The following RNF4 variants were observed in gnomAD, a reference collection of about 807,000 sequenced individuals.
RNF4 encodes ring finger protein 4, also known as E3 ubiquitin-protein ligase RNF4.
In RNF4, 7 loss-of-function variants were observed where a neutral mutation model predicts 24.3. The observed-to-expected ratio is 0.29, with a 90% CI of 0.16 to 0.54. The LOEUF is 0.54. Ranked by LOEUF, RNF4 falls within the 20% of genes least tolerant of loss-of-function variation. The pLI is 0.95. For synonymous variants in RNF4, 83 were observed against 84.3 expected (o/e 0.98, Z 0.09); for missense variants, 209 against 248.5 (o/e 0.84, Z 1.07).
At chr4:2,473,884 C>T (rs1734986978) in intron 1 of RNF4, among the ~76,000 whole-genome samples, 1 of 151,948 alleles carries the variant, frequency 6.6e-6, no homozygotes, top group Non-Finnish European at 1.5e-5. Flanking sequence ...CCAGCCTGGC[C>T]AACATGATAA....
intron 2 of RNF4, among the ~76,000 whole-genome samples, chr4:2,492,100 G>A (rs1457718458): frequency 1.3e-5 from 2 of 151,946 alleles, no homozygotes; most frequent in Non-Finnish European, 2.9e-5. Context: ...TCAGGAGGCT[G>A]AGGCAGGAGA....
intron 1 of RNF4, among the ~76,000 whole-genome samples, chr4:2,478,906 T>C (rs1474204604): frequency 1.3e-5 from 2 of 152,196 alleles, no homozygotes; most frequent in Non-Finnish European, 2.9e-5. Flanking sequence ...CACTGACAGC[T>C]TGCCCTGTAC....
chr4:2,474,853 C>T (rs984686534), intron 1 of RNF4, among the ~76,000 whole-genome samples: 6 of 152,076 alleles, frequency 3.9e-5, no homozygotes, highest in African/African-American at 1.4e-4. Flanking sequence ...GGAGAAACCC[C>T]GTCTCGACTA....
chr4:2,487,272 AT>A (rs554486867), intron 1 of RNF4, among the ~76,000 whole-genome samples: 11 of 151,630 alleles, frequency 7.3e-5, no homozygotes, highest in African/African-American at 2.4e-4. Context: ...ACATCTGGCT[AT>A]TTTTTTAATG....
chr4:2,505,603 G>C (rs1467776347), intron 4 of RNF4: 2 of 151,536 alleles, frequency 1.3e-5, no homozygotes, highest in Admixed American at 6.6e-5. Flanking sequence ...GGGATTATAG[G>C]TGTGAGCCAC....
At chr4:2,489,455 A>G (rs564868139) in intron 1 of RNF4, among the ~76,000 whole-genome samples, 284 of 152,294 alleles carry the variant, frequency 1.9e-3, no homozygotes, top group African/African-American at 5.8e-3. Context: ...ATGCTACTTC[A>G]GTACGTTCCA....
At chr4:2,505,367 C>T (rs1486258102) in intron 4 of RNF4, 2 of 151,194 alleles carry the variant, frequency 1.3e-5, no homozygotes, top group East Asian at 1.9e-4. Context: ...GCTCTGTTGC[C>T]CAAGCTGGAG....
At chr4:2,497,335 C>A (rs1735768934) in intron 3 of RNF4, 3 of 370,794 alleles carry the variant, frequency 8.1e-6, no homozygotes, top group Non-Finnish European at 1.5e-5. Flanking sequence ...GGGGTAGGAT[C>A]CATTTAAAAA....
At chr4:2,486,929 A>G (rs1735428535) in intron 1 of RNF4, among the ~76,000 whole-genome samples, 1 of 152,218 alleles carries the variant, frequency 6.6e-6, no homozygotes, top group Admixed American at 6.5e-5. Context: ...TCTTGAGATC[A>G]GAAACATTCG....
At chr4:2,482,501 T>A (rs981291443) in intron 1 of RNF4, among the ~76,000 whole-genome samples, 5 of 152,184 alleles carry the variant, frequency 3.3e-5, no homozygotes, top group Admixed American at 6.5e-5. Context: ...TTAGGTTTCC[T>A]TCATTATCTT....
At chr4:2,481,580 C>T (rs745752722) in intron 1 of RNF4, among the ~76,000 whole-genome samples, 4 of 152,240 alleles carry the variant, frequency 2.6e-5, no homozygotes, top group East Asian at 1.9e-4. Context: ...TACCTTGTGG[C>T]GCTTTTCAGT....
intron 1 of RNF4, among the ~76,000 whole-genome samples, chr4:2,474,454 A>G (rs1312013986): frequency 6.6e-6 from 1 of 152,142 alleles, no homozygotes; most frequent in Non-Finnish European, 1.5e-5. Flanking sequence ...AAACTTGAAC[A>G]CATGGAGAGT....
chr4:2,471,542 A>G (rs565219421), intron 1 of RNF4, among the ~76,000 whole-genome samples: 1 of 152,370 alleles, frequency 6.6e-6, no homozygotes, highest in South Asian at 2.1e-4. Context: ...AGAAATGTTT[A>G]TCCTTAGTGA....
At chr4:2,510,521 T>A (rs1020964324) in intron 4 of RNF4, among the ~76,000 whole-genome samples, 1 of 152,216 alleles carries the variant, frequency 6.6e-6, no homozygotes, top group Admixed American at 6.5e-5. Flanking sequence ...TGCCTGCCAG[T>A]GCCAACACCC....
At chr4:2,485,100 C>T (rs933729717) in intron 1 of RNF4, among the ~76,000 whole-genome samples, 6 of 152,152 alleles carry the variant, frequency 3.9e-5, no homozygotes, top group African/African-American at 1.4e-4. Context: ...CTCCTCCTGT[C>T]ACTTGAGGCC....
At chr4:2,479,114 C>T (rs1425081365) in intron 1 of RNF4, among the ~76,000 whole-genome samples, 5 of 152,188 alleles carry the variant, frequency 3.3e-5, no homozygotes, top group East Asian at 3.9e-4. Context: ...TGCTGGATTT[C>T]GGACTTGCAT....
intron 1 of RNF4, among the ~76,000 whole-genome samples, chr4:2,483,373 G>C (rs1353675177): frequency 6.6e-6 from 1 of 152,222 alleles, no homozygotes; most frequent in Non-Finnish European, 1.5e-5. Flanking sequence ...CAAGGCTGTA[G>C]GGCTTATTGG....
intron 1 of RNF4, among the ~76,000 whole-genome samples, chr4:2,472,603 A>T (rs1734939791): frequency 5.2e-5 from 1 of 19,098 alleles, no homozygotes; most frequent in Admixed American, 8.0e-4. Flanking sequence ...CAGTCTCTTA[A>T]AAAAAAAAAA....
At position 2,497,088 on chromosome 4, in the gene RNF4, T is replaced by G. The variant is rs1278389354; in HGVS notation, c.91T>G (p.Leu31Val). The change falls in exon 3 of 8, where the codon TTG becomes GTG. Residue 31 changes from leucine to valine, a missense_variant. Physicochemically the swap from Leu to Val is conservative, Grantham distance 32. Around this residue, in one of 3 missense-constraint regions of RNF4, gnomAD observed 182 missense variants for 197.2 expected, o/e 0.92. Transcript: ENST00000314289. ...REATSTPEIS[L>V]EAEPIELVET... ...AGCAACCTCCACCCCCGAGATCTCC[T>G]TGGAAGCAGAACCCATAGAACTCGT... The G allele has an allele frequency of 1.2e-6, 2 of 1,609,340 alleles. No homozygotes were observed. The highest frequency in any genetic ancestry group is 8.5e-7 in the Non-Finnish European group (1 of 1,178,038).
Sources: gnomAD v4.1 joint callset for allele counts (sites outside exome capture counted in the v4.1 genomes callset) on GRCh38, gnomAD v4.1.1 for gene constraint, gnomAD v4.1.1 regional missense constraint, MANE v1.5 for transcripts, NCBI Gene and HGNC (gene_info 2026-07-23, HGNC 2026-07-21) for gene names.